Variants in ANKRD12 observed in about 807,000 individuals in gnomAD.
ANKRD12 encodes ankyrin repeat domain-containing protein 12.
Under a neutral mutation model 183.4 loss-of-function variants are expected in ANKRD12, and 85 were observed. The observed-to-expected ratio is 0.46, with a 90% CI of 0.39 to 0.56. The LOEUF is 0.56. ANKRD12 is among the 20% of genes least tolerant of loss of function. The pLI, the probability that ANKRD12 is intolerant of heterozygous loss-of-function variation, is 0.00. For synonymous variants in ANKRD12, 914 were observed against 800.2 expected, an observed-to-expected ratio of 1.14 and a Z score of -2.40; for missense variants, 2,405 against 2,357.1, an observed-to-expected ratio of 1.02 and a Z score of -0.42.
intron 8 of ANKRD12, among the ~76,000 whole-genome samples, chr18:9,224,922 C>T (rs983616382): frequency 2.0e-5 from 3 of 152,016 alleles, no homozygotes; most frequent in African/African-American, 4.8e-5. Flanking sequence ...ACATTTTCCT[C>T]CAGTAAGAAT....
chr18:9,242,558 T>C (rs1247267555), intron 8 of ANKRD12, among the ~76,000 whole-genome samples: 1 of 152,196 alleles, frequency 6.6e-6, no homozygotes, highest in African/African-American at 2.4e-5. Context: ...GTAATGTATA[T>C]ATTTATGATG....
intron 2 of ANKRD12, among the ~76,000 whole-genome samples, chr18:9,188,404 C>T (rs569006529): frequency 6.6e-6 from 1 of 152,286 alleles, no homozygotes; most frequent in South Asian, 2.1e-4. Flanking sequence ...GTTTATCATA[C>T]AAATACCCAT....
At chr18:9,160,998 C>T (rs1202937765) in intron 1 of ANKRD12, among the ~76,000 whole-genome samples, 2 of 152,052 alleles carry the variant, frequency 1.3e-5, no homozygotes, top group African/African-American at 2.4e-5. Flanking sequence ...TTGGTTTCCC[C>T]TAGTTTTTGT....
intron 1 of ANKRD12, 37 bp downstream of exon 1, chr18:9,137,002 G>A (rs2078121799): frequency 1.3e-5 from 2 of 152,856 alleles, no homozygotes; most frequent in South Asian, 2.1e-4. Context: ...GACAGGAAAG[G>A]AGGAAGGAGG....
In ANKRD12 at chr18:9,195,739, C is replaced by G. The variant is rs779067463; in HGVS notation, c.235+41C>G. 4 of 1,582,872 alleles carry G rather than the reference C, an allele frequency of 2.5e-6. No homozygotes were observed. In the Admixed American group the frequency reaches 7.2e-5, roughly 28 times the overall value. On this transcript the variant is annotated intron_variant, in intron 3 of 12. Coordinates refer to ENST00000262126, the MANE Select transcript of ANKRD12 (RefSeq NM_015208.5). ...GTTCTCTGGTAAAATCTTGCCCATT[C>G]TTTAATTCTGATTTTTGTTTCTTGT... is the stretch of plus-strand genomic sequence containing the variant.
chr18:9,263,807 A>C lies in ANKRD12; in HGVS notation c.5682A>C (p.Ser1894=), dbSNP rs1430608552. The C allele has an allele frequency of 6.4e-7, 1 of 1,563,486 alleles. No individual in the cohort carries two copies. The highest frequency in any genetic ancestry group is 8.7e-7 in the Non-Finnish European group (1 of 1,146,042). ...TTAATTAGATTACACCACCACCTTCACTGTCAGATCCACTTAAAGAGCTTT... is the reference window on the plus strand; with the variant it reads ...TTAATTAGATTACACCACCACCTTCCCTGTCAGATCCACTTAAAGAGCTTT... ...ICIPTITPPP[S]LSDPLKELFR... The change falls in exon 10 of 13, where the codon TCA becomes TCC. Residue 1894 remains serine (S), a synonymous_variant. Coordinates refer to ENST00000262126, the MANE Select transcript of ANKRD12 (RefSeq NM_015208.5).
At chr18:9,246,292 T>A (rs2145064503) in intron 8 of ANKRD12, among the ~76,000 whole-genome samples, 1 of 152,300 alleles carries the variant, frequency 6.6e-6, no homozygotes, top group African/African-American at 2.4e-5. Context: ...CTAGAAAATA[T>A]TTTACACAAA....
At chr18:9,162,035 T>G (rs1166333545) in intron 1 of ANKRD12, among the ~76,000 whole-genome samples, 1 of 152,054 alleles carries the variant, frequency 6.6e-6, no homozygotes, top group Admixed American at 6.5e-5. Context: ...GCCAATTTTT[T>G]TTCCTTCAGC....
rs76556772 is a variant in ANKRD12, at chr18:9,258,598, C to T, written c.5331C>T (p.Asp1777=). Residue 1777 remains aspartate, a synonymous_variant, in exon 9 of 13, where the codon GAC becomes GAT. Coordinates refer to ENST00000262126, the MANE Select transcript of ANKRD12 (RefSeq NM_015208.5). ...PRGRIRLTED[D]DPQIHHPRKR... ...GAAGAATAAGATTAACTGAAGATGA[C>T]GATCCTCAAATTCACCATCCACGGA... is the stretch of plus-strand genomic sequence containing the variant. 546 of 1,613,860 alleles carry T rather than the reference C, an allele frequency of 3.4e-4. 2 individuals are homozygous for T. The highest frequency in any genetic ancestry group is 2.1e-3 in the East Asian group (95 of 44,862).
rs372514675 is a variant in ANKRD12, at chr18:9,256,613, T to A, written c.3346T>A (p.Leu1116Ile). 2.8e-5 allele frequency: 45 copies of A among 1,603,912 alleles called. No individual in the cohort carries two copies. The African/African-American group carries it at 4.7e-4, about 17-fold the overall frequency. ...EKERLRNRNC[L>I]ELKIKDKEKT... Reference sequence around the variant, plus strand: ...GGAACGGTTGAGAAACCGAAACTGTTTAGAACTTAAAATAAAAGATAAAGA... The same window carrying A: ...GGAACGGTTGAGAAACCGAAACTGTATAGAACTTAAAATAAAAGATAAAGA... Residue 1116 changes from leucine to isoleucine, a missense_variant, in exon 9 of 13, where the codon TTA becomes ATA. Leu to Ile is a conservative substitution (Grantham distance 5). This residue lies in a region of ANKRD12 where 1,983 missense variants were observed against 1,725.9 expected (regional missense o/e 1.15). Transcript: ENST00000262126.
chr18:9,170,724 C>G (rs998919117), intron 1 of ANKRD12, among the ~76,000 whole-genome samples: 3 of 152,194 alleles, frequency 2.0e-5, no homozygotes, highest in Admixed American at 2.0e-4. Flanking sequence ...CATTCTCCCT[C>G]CAGCTTTGTT....
At chr18:9,246,917 A>G (rs1455505782) in intron 8 of ANKRD12, among the ~76,000 whole-genome samples, 1 of 152,180 alleles carries the variant, frequency 6.6e-6, no homozygotes, top group Non-Finnish European at 1.5e-5. Flanking sequence ...ACCTAGGGCT[A>G]ATGCCAGAAC....
At chr18:9,216,987 G>A in intron 7 of ANKRD12, 87 bp downstream of exon 7, 1 of 1,285,264 alleles carries the variant, frequency 7.8e-7, no homozygotes, top group Non-Finnish European at 1.1e-6. Context: ...TTAGTCATAT[G>A]ATCTGTGTCA....
At chr18:9,224,971 ATG>A (rs2144787383) in intron 8 of ANKRD12, among the ~76,000 whole-genome samples, 1 of 152,264 alleles carries the variant, frequency 6.6e-6, no homozygotes, top group East Asian at 1.9e-4. Context: ...GCATGGTGGC[ATG>A]TGCCTGCAAT....
At position 9,281,545 on chromosome 18, in the gene ANKRD12, T is replaced by C. The variant is rs539244197; in HGVS notation, c.*419T>C. 6 of 153,104 alleles carry C rather than the reference T, an allele frequency of 3.9e-5. No individual in the cohort carries two copies. The highest frequency in any genetic ancestry group is 1.4e-4 in the African/African-American group (6 of 41,584). 9.5% of individuals were successfully genotyped at this position (153,104 alleles called of 1,614,324 possible). On this transcript the variant is annotated 3_prime_UTR_variant, in exon 13 of 13. Transcript: ENST00000262126. ...AATTCCTACCAAATAGTTTCTAATG[T>C]GGGAGAAAAACTTGGCACAAAATTT...
rs1011283605 is a variant in ANKRD12, at chr18:9,285,135, G to A, written c.*4009G>A. 6.6e-6 allele frequency: 1 copy of A among 151,946 alleles called. No homozygotes were observed. The highest frequency in any genetic ancestry group is 1.5e-5 in the Non-Finnish European group (1 of 67,992). 9.4% of individuals were successfully genotyped at this position (151,946 alleles called of 1,614,324 possible). On this transcript the variant is annotated 3_prime_UTR_variant, in exon 13 of 13. Transcript: ENST00000262126. The stretch of plus-strand genomic sequence containing the variant: ...GAGGCAGGAGAATGGCGTGAGCCTG[G>A]GAGGCGGAGCTTGCAGTGAGCCGAG...
chr18:9,165,913 T>C (rs956651118), intron 1 of ANKRD12, among the ~76,000 whole-genome samples: 28 of 139,970 alleles, frequency 2.0e-4, no homozygotes, highest in African/African-American at 7.5e-4. Context: ...ATGTTCCCCT[T>C]CCTGTGTCCA....
chr18:9,235,501 A>G, intron 8 of ANKRD12: 1 of 270,694 alleles, frequency 3.7e-6, no homozygotes, highest in Non-Finnish European at 7.8e-6. Flanking sequence ...ATCTCTAAGC[A>G]TTGAATATCA....
rs186641634 is a variant in ANKRD12 at position 9,162,952 on chromosome 18, G to C, written c.-51-19430G>C. On this transcript the variant is annotated intron_variant, in intron 1 of 12. Coordinates refer to ENST00000262126, the MANE Select transcript of ANKRD12 (RefSeq NM_015208.5). ...GACTCTGGATATTAAATGTTTGTCA[G>C]ATGCACAGATTGCAAAAATTTTCTC... is the stretch of plus-strand genomic sequence containing the variant. Among the ~76,000 whole-genome samples the C allele has an allele frequency of 6.6e-5, 10 of 152,210 alleles. No homozygotes were observed. In the East Asian group the frequency reaches 1.9e-3, roughly 29 times the overall value.
Sources: gnomAD v4.1 joint callset for allele counts (sites outside exome capture counted in the v4.1 genomes callset) on GRCh38, gnomAD v4.1.1 for gene constraint, gnomAD v4.1.1 regional missense constraint, MANE v1.5 for transcripts, NCBI Gene and HGNC (gene_info 2026-07-23, HGNC 2026-07-21) for gene names.